Variants in PAK5 observed in about 807,000 individuals in gnomAD.
The protein encoded by PAK5 is serine/threonine-protein kinase PAK 5.
Under a neutral mutation model 65.9 loss-of-function variants are expected in PAK5, and 16 were observed. That is an observed-to-expected ratio of 0.24 (90% CI 0.16 to 0.37). The LOEUF (loss-of-function observed/expected upper bound fraction) is 0.37, where lower values mean the gene tolerates loss of function less well. Ranked by LOEUF, PAK5 falls within the 10% of genes least tolerant of loss-of-function variation. PAK5 has a pLI of 1.00. For missense variants in PAK5, 785 were observed against 903.9 expected (o/e 0.87, Z 1.69); for synonymous variants, 371 against 354.9 (o/e 1.05, Z -0.51).
At chr20:9,599,883 C>T (rs1292201543) in intron 3 of PAK5, among the ~76,000 whole-genome samples, 12 of 151,684 alleles carry the variant, frequency 7.9e-5, no homozygotes, top group Non-Finnish European at 1.5e-4. Context: ...TTTTTTCTTT[C>T]GGTGCTTGCG....
At chr20:9,551,277 T>A (rs1406555316) in intron 7 of PAK5, among the ~76,000 whole-genome samples, 1 of 152,194 alleles carries the variant, frequency 6.6e-6, no homozygotes, top group African/African-American at 2.4e-5. Flanking sequence ...TTGGGTAGAA[T>A]TGTGCAACTG....
chr20:9,690,902 C>T (rs977728825), intron 2 of PAK5, among the ~76,000 whole-genome samples: 2 of 151,634 alleles, frequency 1.3e-5, no homozygotes, highest in African/African-American at 2.4e-5. Context: ...TACAGGTACC[C>T]ACCACCATGC....
chr20:9,553,097 C>T (rs2045454416), intron 7 of PAK5, among the ~76,000 whole-genome samples: 5 of 151,976 alleles, frequency 3.3e-5, no homozygotes, highest in Admixed American at 2.0e-4. Flanking sequence ...CCCTAGTATT[C>T]GCATCTTACA....
intron 7 of PAK5, among the ~76,000 whole-genome samples, chr20:9,548,933 C>T (rs866588834): frequency 2.6e-5 from 4 of 151,896 alleles, no homozygotes; most frequent in African/African-American, 9.7e-5. Context: ...TAGATTATTC[C>T]CAAAGAAATG....
At chr20:9,789,574 C>T (rs1236188498) in intron 1 of PAK5, among the ~76,000 whole-genome samples, 1 of 152,040 alleles carries the variant, frequency 6.6e-6, no homozygotes, top group East Asian at 1.9e-4. Flanking sequence ...TAGAGGCGAC[C>T]TCAAGAGCAC....
chr20:9,571,525 G>A (rs2045781110), intron 4 of PAK5, among the ~76,000 whole-genome samples: 1 of 152,218 alleles, frequency 6.6e-6, no homozygotes, highest in Non-Finnish European at 1.5e-5. Flanking sequence ...CCCAGTGGGA[G>A]GGCGCCCAGC....
chr20:9,741,800 T>C (rs1036608055), intron 1 of PAK5, among the ~76,000 whole-genome samples: 1 of 151,924 alleles, frequency 6.6e-6, no homozygotes, highest in African/African-American at 2.4e-5. Context: ...TCTCTCGAGG[T>C]CTTGCATGGA....
At chr20:9,653,963 T>C (rs1224016675) in intron 2 of PAK5, among the ~76,000 whole-genome samples, 6 of 25,556 alleles carry the variant, frequency 2.3e-4, no homozygotes, top group South Asian at 6.8e-3. Flanking sequence ...TTTCTTCTCT[T>C]TTTTTTTTTT....
At chr20:9,672,579 C>T (rs1219453143) in intron 2 of PAK5, among the ~76,000 whole-genome samples, 1 of 151,854 alleles carries the variant, frequency 6.6e-6, no homozygotes, top group Non-Finnish European at 1.5e-5. Context: ...GTAACTTTGC[C>T]CCTCCTTCAC....
chr20:9,699,760 T>TA (rs1336628964), intron 2 of PAK5, among the ~76,000 whole-genome samples: 1 of 151,952 alleles, frequency 6.6e-6, no homozygotes, highest in Non-Finnish European at 1.5e-5. Context: ...AAAAGTGAAA[T>TA]ATCGTGTCAC....
At chr20:9,704,017 G>A (rs886154698) in intron 2 of PAK5, among the ~76,000 whole-genome samples, 4 of 152,136 alleles carry the variant, frequency 2.6e-5, no homozygotes, top group African/African-American at 7.2e-5. Flanking sequence ...GAAGGATGAC[G>A]CCTGTCTTCC....
intron 1 of PAK5, among the ~76,000 whole-genome samples, chr20:9,732,112 C>T (rs1201932114): frequency 6.6e-6 from 1 of 151,990 alleles, no homozygotes; most frequent in East Asian, 1.9e-4. Context: ...GGTCAGGTGG[C>T]ATGTCAAGCT....
At chr20:9,589,852 T>C (rs2046135345) in intron 3 of PAK5, among the ~76,000 whole-genome samples, 1 of 152,062 alleles carries the variant, frequency 6.6e-6, no homozygotes, top group Non-Finnish European at 1.5e-5. Context: ...GTATTTTTAG[T>C]GGAGATGGGG....
chr20:9,738,368 A>G (rs2048414667), intron 1 of PAK5, among the ~76,000 whole-genome samples: 1 of 152,194 alleles, frequency 6.6e-6, no homozygotes, highest in Admixed American at 6.5e-5. Context: ...TTATATACAC[A>G]TTTATAATAA....
rs780632214 is a variant in PAK5 at position 9,580,456 on chromosome 20, G to C, written c.679C>G (p.Pro227Ala). The C allele has an allele frequency of 6.2e-7, 1 of 1,613,886 alleles. No homozygotes were observed. Among genetic ancestry groups the C allele is most frequent in the Non-Finnish European group, 8.5e-7 (1 of 1,179,980 alleles). ...WEYQRASSSS[P>A]LDYSFQFTPS... ...GTGAATTGGAATGAATAATCCAGAGGGGAGCTACTCGAGGCTCTCTGATAC... is the reference window on the plus strand; with the variant it reads ...GTGAATTGGAATGAATAATCCAGAGCGGAGCTACTCGAGGCTCTCTGATAC... The change falls in exon 4 of 10, where the codon CCT becomes GCT. Residue 227 changes from proline to alanine, a missense_variant. By Grantham distance (27) the Pro-to-Ala change is conservative. Around this residue, in one of 4 missense-constraint regions of PAK5, gnomAD observed 422 missense variants for 413.3 expected, o/e 1.02. Transcript: ENST00000353224.
intron 1 of PAK5, among the ~76,000 whole-genome samples, chr20:9,721,656 A>C (rs2048216336): frequency 5.6e-5 from 1 of 17,938 alleles, no homozygotes; most frequent in Non-Finnish European, 1.0e-4. Context: ...TCCATCTCAA[A>C]AAAAAAAAAA....
intron 5 of PAK5, among the ~76,000 whole-genome samples, chr20:9,564,594 G>A (rs1014501390): frequency 5.3e-5 from 8 of 152,158 alleles, no homozygotes; most frequent in Non-Finnish European, 1.0e-4. Flanking sequence ...ATTGGTGAGG[G>A]TCTAGATTGG....
intron 1 of PAK5, among the ~76,000 whole-genome samples, chr20:9,780,925 G>A (rs1370229423): frequency 1.3e-5 from 2 of 151,918 alleles, no homozygotes; most frequent in African/African-American, 2.4e-5. Flanking sequence ...TACTTATCTA[G>A]GTATTATGAT....
At chr20:9,604,670 G>T (rs114234307) in intron 3 of PAK5, among the ~76,000 whole-genome samples, 2,351 of 152,264 alleles carry the variant, frequency 0.015, 51 homozygotes, top group African/African-American at 0.053. Flanking sequence ...CTCCTGCTTT[G>T]TGAGTCCCTC....
Sources: gnomAD v4.1 joint callset for allele counts (sites outside exome capture counted in the v4.1 genomes callset) on GRCh38, gnomAD v4.1.1 for gene constraint, gnomAD v4.1.1 regional missense constraint, MANE v1.5 for transcripts, NCBI Gene and HGNC (gene_info 2026-07-23, HGNC 2026-07-21) for gene names.